The following CD2AP variants were observed in gnomAD, a reference collection of about 807,000 sequenced individuals.
CD2AP encodes the protein CD2-associated protein.
A neutral mutation model predicts 85.1 loss-of-function variants in CD2AP; 46 were observed. The ratio of observed to expected loss-of-function variants is 0.54; its 90% CI spans 0.43 to 0.69. The LOEUF (loss-of-function observed/expected upper bound fraction) is 0.69, where lower values mean the gene tolerates loss of function less well. Ranked by LOEUF, CD2AP falls within the 30% of genes least tolerant of loss-of-function variation. The pLI is 0.00. For synonymous variants in CD2AP, 255 were observed against 252.9 expected, an observed-to-expected ratio of 1.01 and a Z score of -0.08; for missense variants, 769 against 729.5, an observed-to-expected ratio of 1.05 and a Z score of -0.62.
intron 11 of CD2AP, chr6:47,582,305 CTG>C: frequency 5.2e-6 from 2 of 386,254 alleles, no homozygotes; most frequent in South Asian, 3.5e-5. Context: ...ATTTCACAGA[CTG>C]TATAAGAAAA....
chr6:47,570,544 TC>T (rs1768121283), intron 5 of CD2AP, among the ~76,000 whole-genome samples: 1 of 148,352 alleles, frequency 6.7e-6, no homozygotes, highest in Non-Finnish European at 1.5e-5. Flanking sequence ...TATCCTCTTT[TC>T]TTCTTTCCAG....
chr6:47,609,344 C>T (rs1483089571), intron 16 of CD2AP, 40 bp downstream of exon 16: 1 of 1,476,912 alleles, frequency 6.8e-7, no homozygotes, highest in African/African-American at 1.4e-5. Flanking sequence ...ACTACTTAAC[C>T]CATGCATAAA....
chr6:47,557,685 A>G lies in CD2AP; in HGVS notation c.541+2919A>G, dbSNP rs537568496. On this transcript the variant is annotated intron_variant, in intron 5 of 17. Coordinates refer to ENST00000359314, the MANE Select transcript of CD2AP (RefSeq NM_012120.3). ...CCTCTGTTCTGTTCCATTGGTCTAT[A>G]TATCTTTTTTGGTACCAGACCATGC... 1.0e-3 allele frequency among the ~76,000 whole-genome samples: 153 copies of G among 152,180 alleles called. 1 individual carries two copies. The highest frequency in any genetic ancestry group is 6.8e-3 in the Middle Eastern group (2 of 294).
intron 2 of CD2AP, among the ~76,000 whole-genome samples, chr6:47,525,448 GT>G (rs1766695514): frequency 6.6e-6 from 1 of 152,082 alleles, no homozygotes; most frequent in Non-Finnish European, 1.5e-5. Flanking sequence ...ATGAAATGAA[GT>G]TCTTGACTTC....
At chr6:47,485,023 A>G (rs1017266355) in intron 1 of CD2AP, among the ~76,000 whole-genome samples, 1 of 152,208 alleles carries the variant, frequency 6.6e-6, no homozygotes, top group Non-Finnish European at 1.5e-5. Flanking sequence ...GTTTGTGATG[A>G]TGCTGGTGTC....
chr6:47,603,074 G>T (rs1769183412), intron 13 of CD2AP, among the ~76,000 whole-genome samples: 1 of 151,788 alleles, frequency 6.6e-6, no homozygotes, highest in African/African-American at 2.4e-5. Flanking sequence ...AATAATTTAT[G>T]GTGGAATTTT....
intron 11 of CD2AP, among the ~76,000 whole-genome samples, chr6:47,583,681 G>A (rs572148279): frequency 1.2e-4 from 18 of 152,288 alleles, no homozygotes; most frequent in South Asian, 4.1e-4. Context: ...GAGGGACATC[G>A]TGATTGCTTC....
intron 5 of CD2AP, 105 bp from the exon 6 acceptor site, chr6:47,573,959 C>T: frequency 3.0e-6 from 3 of 993,454 alleles, no homozygotes; most frequent in African/African-American, 1.6e-5. Flanking sequence ...AATTTTTTTT[C>T]TACTGTGTTT....
chr6:47,571,071 T>C (rs536390358), intron 5 of CD2AP, among the ~76,000 whole-genome samples: 21 of 152,088 alleles, frequency 1.4e-4, no homozygotes, highest in Non-Finnish European at 3.1e-4. Flanking sequence ...ACTGTGAAAA[T>C]TGTACTTTAG....
rs143092614 is a variant in CD2AP, at chr6:47,548,923, T to C, written c.420+4217T>C. Among the ~76,000 whole-genome samples the C allele has an allele frequency of 5.3e-5, 8 of 152,134 alleles. No individual in the cohort carries two copies. In the East Asian group the frequency reaches 7.7e-4, roughly 15 times the overall value. On this transcript the variant is annotated intron_variant, in intron 4 of 17. Transcript: ENST00000359314. Reference sequence around the variant, plus strand: ...CATACGCAAGTCAGTAAATATGATATGTCACATAAACAGAATTAAAAACAA... The same window carrying C: ...CATACGCAAGTCAGTAAATATGATACGTCACATAAACAGAATTAAAAACAA...
At chr6:47,483,744 AGATTGCCACCC>A (rs1485646650) in intron 1 of CD2AP, among the ~76,000 whole-genome samples, 1 of 150,236 alleles carries the variant, frequency 6.7e-6, no homozygotes, top group Non-Finnish European at 1.5e-5. Flanking sequence ...CCCTGGGTAT[AGATTGCCACCC>A]CTTCTGTTTA....
At chr6:47,609,587 TAC>T (rs1029290853) in intron 16 of CD2AP, 2 of 302,152 alleles carry the variant, frequency 6.6e-6, no homozygotes, top group Non-Finnish European at 1.2e-5. Context: ...TGGTCCCAGC[TAC>T]TCAAGAGGCT....
At chr6:47,583,415 A>C (rs1382712432) in intron 11 of CD2AP, among the ~76,000 whole-genome samples, 1 of 152,102 alleles carries the variant, frequency 6.6e-6, no homozygotes, top group Admixed American at 6.5e-5. Flanking sequence ...TCTTTATTCT[A>C]CCTATTCATC....
At position 47,478,097 on chromosome 6, in the gene CD2AP, G is replaced by A. The variant is rs1173975079; in HGVS notation, c.-148G>A. On this transcript the variant is annotated 5_prime_UTR_variant, in exon 1 of 18. The change abolishes an upstream ATG in the 5' untranslated region. Coordinates refer to ENST00000359314, the MANE Select transcript of CD2AP (RefSeq NM_012120.3). ...TGGTAGGAGAGCGCCGCGGGCGGAT[G>A]GAGGCGACTCTTCGCCCCGCCTGAG... 5 of 1,009,010 alleles carry A rather than the reference G, an allele frequency of 5.0e-6. No individual in the cohort carries two copies. Among genetic ancestry groups the A allele is most frequent in the Non-Finnish European group, 7.5e-6 (5 of 665,632 alleles). The allele number at this position is 1,009,010 out of a possible 1,614,324, so 62.5% of individuals were successfully genotyped here.
rs1768232437 is a variant in CD2AP, at chr6:47,574,086, T to C, written c.564T>C (p.Thr188=). The part of the protein sequence containing the change: ...DDSETVLAGP[T]SPIPSLGNVS... ...CAGAAACTGTTTTGGCTGGGCCTAC[T>C]TCACCTATACCTTCTCTGGGAAATG... Residue 188 remains threonine, a synonymous_variant, in exon 6 of 18, where the codon ACT becomes ACC. Coordinates refer to ENST00000359314, the MANE Select transcript of CD2AP (RefSeq NM_012120.3). 1 of 1,614,062 alleles carries C rather than the reference T, an allele frequency of 6.2e-7. No individual in the cohort carries two copies. The highest frequency in any genetic ancestry group is 1.3e-5 in the African/African-American group (1 of 75,062).
At chr6:47,594,956 AT>A in intron 11 of CD2AP, among the ~76,000 whole-genome samples, 1 of 151,906 alleles carries the variant, frequency 6.6e-6, no homozygotes, top group Non-Finnish European at 1.5e-5. Context: ...TGTGATAGAC[AT>A]TTTTTTCAAA....
intron 1 of CD2AP, among the ~76,000 whole-genome samples, chr6:47,502,717 C>T (rs1057023107): frequency 2.0e-5 from 3 of 152,086 alleles, no homozygotes; most frequent in Non-Finnish European, 4.4e-5. Context: ...TGGTCTCCAT[C>T]TCTTGACCTC....
At chr6:47,528,784 G>A (rs1457146749) in intron 2 of CD2AP, among the ~76,000 whole-genome samples, 1 of 152,024 alleles carries the variant, frequency 6.6e-6, no homozygotes, top group African/African-American at 2.4e-5. Context: ...TTTTTGTGCC[G>A]GAATAGGGAA....
intron 8 of CD2AP, 29 bp from the exon 9 acceptor site, chr6:47,579,356 T>C (rs1365462083): frequency 1.6e-6 from 2 of 1,273,272 alleles, no homozygotes; most frequent in Non-Finnish European, 2.3e-6. Context: ...AAAGGTCTAT[T>C]GTCTTAATTA....
Sources: gnomAD v4.1 joint callset for allele counts (sites outside exome capture counted in the v4.1 genomes callset) on GRCh38, gnomAD v4.1.1 for gene constraint, MANE v1.5 for transcripts, NCBI Gene and HGNC (gene_info 2026-07-23, HGNC 2026-07-21) for gene names.